Variants in TPTE observed in about 807,000 individuals in gnomAD.
TPTE encodes the protein putative tyrosine-protein phosphatase TPTE.
Under a neutral mutation model 84.1 loss-of-function variants are expected in TPTE, and 59 were observed. The ratio of observed to expected loss-of-function variants is 0.70; its 90% confidence interval spans 0.57 to 0.87. The LOEUF is 0.87. TPTE is among the 40% of genes least tolerant of loss of function. The pLI is 0.00. For synonymous variants in TPTE, 130 were observed against 223.5 expected (o/e 0.58, Z 3.73); for missense variants, 382 against 659.6 (o/e 0.58, Z 4.61).
At chr21:10,589,887 TATTTCC>T (rs1336464869) in intron 17 of TPTE, among the ~76,000 whole-genome samples, 1 of 152,312 alleles carries the variant, frequency 6.6e-6, no homozygotes, top group African/African-American at 2.4e-5. Flanking sequence ...ACTTGCTTGC[TATTTCC>T]AAATGACTGA....
intron 6 of TPTE, among the ~76,000 whole-genome samples, chr21:10,542,992 G>T (rs115886065): frequency 7.1e-6 from 1 of 141,778 alleles, no homozygotes; most frequent in African/African-American, 3.1e-5. Context: ...ATTTAGAATC[G>T]CGTCTCCTAT....
At chr21:10,548,803 A>C (rs2074519701) in intron 7 of TPTE, among the ~76,000 whole-genome samples, 1 of 152,300 alleles carries the variant, frequency 6.6e-6, no homozygotes, top group Admixed American at 6.5e-5. Context: ...CCTTCAGGCC[A>C]CTCCTGGAGT....
chr21:10,583,575 A>T (rs2075306286), intron 17 of TPTE, among the ~76,000 whole-genome samples: 1 of 152,312 alleles, frequency 6.6e-6, no homozygotes, highest in Non-Finnish European at 1.5e-5. Flanking sequence ...AGAAGTTCTT[A>T]GTTGTATTAC....
intron 17 of TPTE, among the ~76,000 whole-genome samples, chr21:10,588,521 G>T (rs1485217468): frequency 6.6e-6 from 1 of 152,430 alleles, no homozygotes; most frequent in African/African-American, 2.4e-5. Context: ...TATCTCACAG[G>T]TGCCGTCTGG....
At chr21:10,565,407 A>G (rs1196926163) in intron 10 of TPTE, among the ~76,000 whole-genome samples, 1 of 152,312 alleles carries the variant, frequency 6.6e-6, no homozygotes, top group Non-Finnish European at 1.5e-5. Context: ...GGAAGAATCA[A>G]TATTGTTAAA....
At chr21:10,547,157 C>T (rs564022935) in intron 7 of TPTE, among the ~76,000 whole-genome samples, 4 of 152,420 alleles carry the variant, frequency 2.6e-5, no homozygotes, top group African/African-American at 4.8e-5. Flanking sequence ...AATCCTGGGG[C>T]CCGTGCGAAT....
At chr21:10,584,233 A>T (rs1268123588) in intron 17 of TPTE, among the ~76,000 whole-genome samples, 1 of 152,306 alleles carries the variant, frequency 6.6e-6, no homozygotes, top group African/African-American at 2.4e-5. Flanking sequence ...GTGGTTATTT[A>T]AATGATATCC....
At chr21:10,560,677 T>C (rs1193928299) in intron 9 of TPTE, among the ~76,000 whole-genome samples, 1 of 152,306 alleles carries the variant, frequency 6.6e-6, no homozygotes, top group African/African-American at 2.4e-5. Context: ...TATGAGAAAT[T>C]GGTATAAACT....
At chr21:10,538,520 T>G (rs1209196732) in intron 3 of TPTE, among the ~76,000 whole-genome samples, 161 bp from the exon 4 acceptor site, 1 of 152,310 alleles carries the variant, frequency 6.6e-6, no homozygotes, top group Non-Finnish European at 1.5e-5. Flanking sequence ...TAAATCCTCC[T>G]TTTTAATTAA....
chr21:10,548,940 A>G (rs1390588920), intron 7 of TPTE, among the ~76,000 whole-genome samples: 33 of 152,406 alleles, frequency 2.2e-4, no homozygotes, highest in African/African-American at 7.7e-4. Context: ...GGCTAGAGTG[A>G]TGGCACCATG....
intron 17 of TPTE, among the ~76,000 whole-genome samples, chr21:10,588,901 C>T (rs1299093812): frequency 2.5e-4 from 38 of 152,342 alleles, no homozygotes; most frequent in African/African-American, 8.9e-4. Context: ...TCCTTCATTT[C>T]CCGGATTGAT....
intron 8 of TPTE, among the ~76,000 whole-genome samples, chr21:10,554,379 T>C (rs1032310605): frequency 1.3e-5 from 2 of 152,308 alleles, no homozygotes; most frequent in African/African-American, 4.8e-5. Context: ...AAGGGAATGA[T>C]TGTGACGCTA....
intron 7 of TPTE, among the ~76,000 whole-genome samples, chr21:10,543,976 A>G (rs185644919): frequency 1.0e-3 from 153 of 152,364 alleles, no homozygotes; most frequent in Non-Finnish European, 1.4e-3. Flanking sequence ...CCACCACCTC[A>G]TTGGATGCCG....
chr21:10,539,429 G>A (rs2074326711), intron 4 of TPTE, among the ~76,000 whole-genome samples: 1 of 152,308 alleles, frequency 6.6e-6, no homozygotes, highest in Non-Finnish European at 1.5e-5. Flanking sequence ...ATGGGTGAAA[G>A]GAAAGACTTG....
chr21:10,549,982 C>T (rs938821702), intron 7 of TPTE, among the ~76,000 whole-genome samples: 1 of 152,306 alleles, frequency 6.6e-6, no homozygotes, highest in African/African-American at 2.4e-5. Context: ...CAGTGGAAAC[C>T]TTAGGCTAGA....
chr21:10,524,303 G>T (rs1600845889), intron 1 of TPTE, among the ~76,000 whole-genome samples: 1 of 152,422 alleles, frequency 6.6e-6, no homozygotes, highest in South Asian at 2.1e-4. Context: ...AGACAGGAAA[G>T]TTTGCTTATA....
chr21:10,562,866 C>T (rs556834678), intron 10 of TPTE, among the ~76,000 whole-genome samples: 7 of 152,416 alleles, frequency 4.6e-5, no homozygotes, highest in Admixed American at 3.9e-4. Flanking sequence ...CAGAACATCC[C>T]AAACCTACAG....
chr21:10,544,453 C>T (rs1309766680), intron 7 of TPTE, among the ~76,000 whole-genome samples: 24 of 152,294 alleles, frequency 1.6e-4, no homozygotes, highest in Admixed American at 7.8e-4. Context: ...GGCGTGATCT[C>T]GGCTCACTGT....
chr21:10,551,338 TGAC>T (rs1164505893), intron 7 of TPTE, among the ~76,000 whole-genome samples: 3 of 152,278 alleles, frequency 2.0e-5, no homozygotes, highest in Admixed American at 2.0e-4. Flanking sequence ...CTAATGTAAA[TGAC>T]GAGTTAATGG....
Sources: gnomAD v4.1 joint callset for allele counts (sites outside exome capture counted in the v4.1 genomes callset) on GRCh38, gnomAD v4.1.1 for gene constraint, MANE v1.5 for transcripts, NCBI Gene and HGNC (gene_info 2026-07-23, HGNC 2026-07-21) for gene names.